The following TNFRSF19 variants were observed in gnomAD, a reference collection of about 807,000 sequenced individuals.
The protein encoded by TNFRSF19 is TNF receptor superfamily member 19.
Under a neutral mutation model 46.4 loss-of-function variants are expected in TNFRSF19, and 27 were observed. The ratio of observed to expected loss-of-function variants is 0.58; its 90% CI spans 0.43 to 0.80. The LOEUF (loss-of-function observed/expected upper bound fraction) is 0.80, where lower values mean the gene tolerates loss of function less well. Ranked by LOEUF, TNFRSF19 falls within the 30% of genes least tolerant of loss-of-function variation. TNFRSF19 has a pLI of 0.00. For missense variants in TNFRSF19, 511 were observed against 530.8 expected, an observed-to-expected ratio of 0.96 and a Z score of 0.37; for synonymous variants, 204 against 205.0, an observed-to-expected ratio of 1.00 and a Z score of 0.04.
intron 3 of TNFRSF19, among the ~76,000 whole-genome samples, chr13:23,603,687 T>C (rs1043945044): frequency 6.6e-6 from 1 of 152,038 alleles, no homozygotes; most frequent in Admixed American, 6.5e-5. Flanking sequence ...TAATGTAATA[T>C]GTCACATCAG....
At chr13:23,581,800 T>A (rs1299761962) in intron 1 of TNFRSF19, among the ~76,000 whole-genome samples, 1 of 152,200 alleles carries the variant, frequency 6.6e-6, no homozygotes, top group Non-Finnish European at 1.5e-5. Flanking sequence ...TGGCCAATTC[T>A]ACCCCTGAAA....
intron 1 of TNFRSF19, among the ~76,000 whole-genome samples, chr13:23,587,505 G>A (rs1291806462): frequency 6.6e-6 from 1 of 152,162 alleles, no homozygotes; most frequent in East Asian, 1.9e-4. Flanking sequence ...GGCACCTAAT[G>A]ACCGTTTAAC....
chr13:23,576,139 T>A (rs1419298768), intron 1 of TNFRSF19, among the ~76,000 whole-genome samples: 1 of 150,928 alleles, frequency 6.6e-6, no homozygotes, highest in Non-Finnish European at 1.5e-5. Flanking sequence ...CAGAATTCTT[T>A]TTTTTTTTTT....
At position 23,619,904 on chromosome 13, in the gene TNFRSF19, C is replaced by G. The variant is rs114823428; in HGVS notation, c.359+3859C>G. 5.9e-3 allele frequency among the ~76,000 whole-genome samples: 906 copies of G among 152,332 alleles called. 9 individuals carry two copies. Among genetic ancestry groups the G allele is most frequent in the African/African-American group, 0.02 (850 of 41,582 alleles). On this transcript the variant is annotated intron_variant, in intron 4 of 9. Coordinates refer to ENST00000248484, the MANE Select transcript of TNFRSF19 (RefSeq NM_148957.4). ...GGAGCAGGTCTGCCCGGGACTCCAC[C>G]GTGCCTGGTTCCTCCTGCTTCCCCG...
chr13:23,586,692 G>A (rs139361555), intron 1 of TNFRSF19, among the ~76,000 whole-genome samples: 30 of 152,322 alleles, frequency 2.0e-4, no homozygotes, highest in Non-Finnish European at 4.0e-4. Context: ...GGACACATCC[G>A]TGTTAGTTAC....
intron 1 of TNFRSF19, among the ~76,000 whole-genome samples, chr13:23,576,614 T>C (rs1308832360): frequency 6.6e-6 from 1 of 152,162 alleles, no homozygotes; most frequent in African/African-American, 2.4e-5. Context: ...CTGCAAATGC[T>C]CAAGTCCCTT....
Position 23,673,667 on chromosome 13 carries a change from A to G in TNFRSF19, c.*287A>G, listed in dbSNP as rs1034990192. 17 of 739,214 alleles carry G rather than the reference A, an allele frequency of 2.3e-5. No homozygotes were observed. In the South Asian group the frequency reaches 8.1e-4, roughly 35 times the overall value. 45.8% of individuals were successfully genotyped at this position (739,214 alleles called of 1,614,324 possible). A position where few individuals can be genotyped will look rare whatever the true frequency, so the allele number is the denominator to read the frequency against. ...GCCACAAAAGTGACTTCAAAGACGG[A>G]TGGGTTGAGCTGGCAGCCTATGAGA... is the stretch of plus-strand genomic sequence containing the variant. On this transcript the variant is annotated 3_prime_UTR_variant, in exon 10 of 10. Transcript: ENST00000248484.
At position 23,673,949 on chromosome 13, in the gene TNFRSF19, T is replaced by G. The variant is rs1225791495; in HGVS notation, c.*569T>G. On this transcript the variant is annotated 3_prime_UTR_variant, in exon 10 of 10. Transcript: ENST00000248484. ...TAGAATGGCCCTCATATTGCCTGCC[T>G]AAATCTTGGGTTTATTAGATGAAGT... 6.6e-6 allele frequency: 1 copy of G among 152,242 alleles called. No individual in the cohort carries two copies. Among genetic ancestry groups the G allele is most frequent in the Non-Finnish European group, 1.5e-5 (1 of 68,056 alleles). 9.4% of individuals were successfully genotyped at this position (152,242 alleles called of 1,614,324 possible).
chr13:23,655,837 A>G (rs1020329670), intron 5 of TNFRSF19, among the ~76,000 whole-genome samples: 38 of 151,816 alleles, frequency 2.5e-4, no homozygotes, highest in African/African-American at 8.7e-4. Context: ...TTTTTTTACT[A>G]GAAACTAAAA....
intron 2 of TNFRSF19, among the ~76,000 whole-genome samples, chr13:23,591,774 G>T (rs1445567617): frequency 6.8e-6 from 1 of 146,406 alleles, no homozygotes; most frequent in African/African-American, 2.6e-5. Flanking sequence ...TCACCAGGCT[G>T]GAGTGCAGTG....
chr13:23,613,968 C>T (rs1881076834), intron 3 of TNFRSF19, among the ~76,000 whole-genome samples: 1 of 152,178 alleles, frequency 6.6e-6, no homozygotes, highest in African/African-American at 2.4e-5. Context: ...TTACATTTTG[C>T]AGAACTGTAA....
intron 3 of TNFRSF19, among the ~76,000 whole-genome samples, chr13:23,595,513 A>C (rs186252205): frequency 1.1e-3 from 161 of 152,310 alleles, no homozygotes; most frequent in African/African-American, 3.6e-3. Flanking sequence ...GATATCAGAG[A>C]TTGAAAATCA....
chr13:23,643,021 A>C (rs7323925), intron 5 of TNFRSF19, among the ~76,000 whole-genome samples: 6,959 of 152,308 alleles, frequency 0.046, 197 homozygotes, highest in African/African-American at 0.072. Context: ...AGTAGGTGTA[A>C]TTAAAAGCAA....
Position 23,616,055 on chromosome 13 carries a change from C to A in TNFRSF19, c.359+10C>A. On this transcript the variant is annotated intron_variant, in intron 4 of 9. Transcript: ENST00000248484. ...GGGACTGCTTGCCAGGGTGAGTTGG[C>A]CAGTTTCTTTCACTTGTAATTATTT... is the stretch of plus-strand genomic sequence containing the variant. 1.9e-6 allele frequency: 3 copies of A among 1,574,984 alleles called. No homozygotes were observed. The highest frequency in any genetic ancestry group is 2.6e-6 in the Non-Finnish European group (3 of 1,157,146).
At chr13:23,571,834 A>G (rs1877651931) in intron 1 of TNFRSF19, among the ~76,000 whole-genome samples, 1 of 151,876 alleles carries the variant, frequency 6.6e-6, no homozygotes, top group Admixed American at 6.6e-5. Context: ...TAAAAACTAA[A>G]TACAATGGAA....
chr13:23,633,070 A>T (rs1394548354), intron 5 of TNFRSF19, among the ~76,000 whole-genome samples: 1 of 151,910 alleles, frequency 6.6e-6, no homozygotes, highest in Non-Finnish European at 1.5e-5. Flanking sequence ...TCTGGACCCC[A>T]AAAAGGGGTG....
intron 4 of TNFRSF19, among the ~76,000 whole-genome samples, chr13:23,618,530 G>A (rs944180074): frequency 3.3e-5 from 5 of 152,164 alleles, no homozygotes; most frequent in Non-Finnish European, 5.9e-5. Flanking sequence ...TGGTGATGAC[G>A]TGGAGAGATT....
At chr13:23,664,104 T>C (rs9507140) in intron 7 of TNFRSF19, among the ~76,000 whole-genome samples, 35,204 of 152,084 alleles carry the variant, frequency 0.23, 4,806 homozygotes, top group Non-Finnish European at 0.31. Context: ...GGTTGTTAAT[T>C]TGAGATCTTT....
At chr13:23,647,968 A>C (rs1472538534) in intron 5 of TNFRSF19, among the ~76,000 whole-genome samples, 1 of 150,280 alleles carries the variant, frequency 6.7e-6, no homozygotes, top group Non-Finnish European at 1.5e-5. Flanking sequence ...GTACCACACC[A>C]CCCCCCCTTT....
Sources: allele counts gnomAD v4.1 joint callset (sites outside exome capture counted in the v4.1 genomes callset), GRCh38; gene constraint gnomAD v4.1.1; transcripts MANE v1.5; gene names NCBI Gene and HGNC (gene_info 2026-07-23, HGNC 2026-07-21).